The following ARHGAP10 variants were observed in gnomAD, a reference collection of about 807,000 sequenced individuals.
ARHGAP10 encodes the protein Rho GTPase activating protein 10.
Under a neutral mutation model 108.6 loss-of-function variants are expected in ARHGAP10, and 87 were observed. That is an observed-to-expected ratio of 0.80 (90% CI 0.67 to 0.96). The LOEUF (loss-of-function observed/expected upper bound fraction) is 0.96. Ranked by LOEUF, ARHGAP10 falls within the 40% of genes least tolerant of loss-of-function variation. ARHGAP10 has a pLI of 0.00. For synonymous variants in ARHGAP10, 347 were observed against 341.1 expected, an observed-to-expected ratio of 1.02 and a Z score of -0.19; for missense variants, 939 against 954.5, an observed-to-expected ratio of 0.98 and a Z score of 0.21.
rs1017274049 is a variant in ARHGAP10, at chr4:147,798,425, T to C, written c.155-24302T>C. Among the ~76,000 whole-genome samples the C allele has an allele frequency of 2.0e-5, 3 of 152,274 alleles. No individual in the cohort carries two copies. The East Asian group carries it at 5.8e-4, about 29-fold the overall frequency. The stretch of plus-strand genomic sequence containing the variant: ...GAATCTTCTGTGTTAAAAAATATAA[T>C]TTTGGCCAGGTGTGGTGGCTCATGC... On this transcript the variant is annotated intron_variant, in intron 1 of 22. Coordinates refer to ENST00000336498, the MANE Select transcript of ARHGAP10 (RefSeq NM_024605.4).
rs374648105 is a variant in ARHGAP10, at chr4:147,986,087, C to T, written c.1716+19248C>T. On this transcript the variant is annotated intron_variant, in intron 18 of 22. Coordinates refer to ENST00000336498, the MANE Select transcript of ARHGAP10 (RefSeq NM_024605.4). Reference sequence around the variant, plus strand: ...GCTATTTGCAAGTGGCTGAGGTATGCGGAAAGCCTCTCATCTGCCATCTTG... The same window carrying T: ...GCTATTTGCAAGTGGCTGAGGTATGTGGAAAGCCTCTCATCTGCCATCTTG... 5.1e-4 allele frequency among the ~76,000 whole-genome samples: 77 copies of T among 152,248 alleles called. 2 individuals carry two copies. In the South Asian group the frequency reaches 0.016, roughly 32 times the overall value.
At chr4:148,016,984 A>T (rs549363908) in intron 18 of ARHGAP10, among the ~76,000 whole-genome samples, 29 of 125,006 alleles carry the variant, frequency 2.3e-4, no homozygotes, top group Middle Eastern at 7.9e-3. Flanking sequence ...CATCTCTATT[A>T]AAAAAAAAAA....
At chr4:148,039,737 TTAAAA>T (rs1251733707) in intron 19 of ARHGAP10, among the ~76,000 whole-genome samples, 1 of 152,310 alleles carries the variant, frequency 6.6e-6, no homozygotes, top group African/African-American at 2.4e-5. Context: ...TTATTAAATG[TTAAAA>T]TAATATGTCT....
intron 1 of ARHGAP10, among the ~76,000 whole-genome samples, chr4:147,765,335 T>TGGGG (rs1463328322): frequency 4.4e-5 from 1 of 22,744 alleles, no homozygotes; most frequent in African/African-American, 8.7e-5. Flanking sequence ...TGTGTGTGTG[T>TGGGG]GTGGGGGGGG....
At chr4:147,798,231 T>A (rs1208478178) in intron 1 of ARHGAP10, among the ~76,000 whole-genome samples, 1 of 152,182 alleles carries the variant, frequency 6.6e-6, no homozygotes, top group African/African-American at 2.4e-5. Context: ...AAATTTTCTC[T>A]GATCATGGCA....
chr4:147,759,082 A>G (rs972555399), intron 1 of ARHGAP10, among the ~76,000 whole-genome samples: 3 of 152,156 alleles, frequency 2.0e-5, no homozygotes, highest in Non-Finnish European at 4.4e-5. Flanking sequence ...TTGTCTTAGA[A>G]TAAGTAACAC....
intron 19 of ARHGAP10, among the ~76,000 whole-genome samples, chr4:148,041,645 A>G (rs758676515): frequency 1.4e-4 from 21 of 152,238 alleles, no homozygotes; most frequent in African/African-American, 4.6e-4. Context: ...TTTTCTGCCA[A>G]TCTTTGAAGA....
chr4:147,909,844 A>G (rs1291812225), intron 12 of ARHGAP10, 67 bp downstream of exon 12: 7 of 1,485,450 alleles, frequency 4.7e-6, no homozygotes, highest in South Asian at 1.2e-5. Flanking sequence ...TACATTATGC[A>G]TGTCAAGCTG....
At position 147,954,904 on chromosome 4, in the gene ARHGAP10, A is replaced by G. The variant is rs529195289; in HGVS notation, c.1392-412A>G. ...GATTTGAGTTTGTTTAATCTTTTCT[A>G]TGTATTTTGTGTGGAATCTTCAGCT... On this transcript the variant is annotated intron_variant, in intron 15 of 22. Coordinates refer to ENST00000336498, the MANE Select transcript of ARHGAP10 (RefSeq NM_024605.4). Among the ~76,000 whole-genome samples, 70 of 152,128 alleles carry G rather than the reference A, an allele frequency of 4.6e-4. 1 individual carries two copies. Among genetic ancestry groups the G allele is most frequent in the Non-Finnish European group, 7.4e-4 (50 of 67,904 alleles).
chr4:147,892,449 A>G (rs1258904086), intron 10 of ARHGAP10, among the ~76,000 whole-genome samples: 1 of 152,168 alleles, frequency 6.6e-6, no homozygotes, highest in Non-Finnish European at 1.5e-5. Flanking sequence ...TGTTTTTGGC[A>G]CTGAGGATAC....
At chr4:147,861,461 G>C (rs1734319618) in intron 5 of ARHGAP10, 1 of 152,486 alleles carries the variant, frequency 6.6e-6, no homozygotes, top group Admixed American at 6.5e-5. Context: ...GTGAGCAGGG[G>C]AGGGGGAGGA....
intron 3 of ARHGAP10, among the ~76,000 whole-genome samples, chr4:147,841,049 A>G (rs976576626): frequency 1.3e-5 from 2 of 152,204 alleles, no homozygotes; most frequent in African/African-American, 4.8e-5. Flanking sequence ...CATCATTCAT[A>G]TGCTGTTTGT....
intron 19 of ARHGAP10, among the ~76,000 whole-genome samples, chr4:148,033,450 AT>A (rs558552772): frequency 3.9e-5 from 6 of 152,366 alleles, no homozygotes; most frequent in African/African-American, 1.4e-4. Context: ...AAACCTATAT[AT>A]TTAAATATAA....
chr4:148,061,155 CTCTT>C (rs1729603375), intron 20 of ARHGAP10, among the ~76,000 whole-genome samples: 1 of 151,244 alleles, frequency 6.6e-6, no homozygotes, highest in Non-Finnish European at 1.5e-5. Flanking sequence ...AAAATTTATG[CTCTT>C]TATTTTTCAA....
At chr4:147,811,359 G>C (rs1391946699) in intron 1 of ARHGAP10, among the ~76,000 whole-genome samples, 1 of 152,122 alleles carries the variant, frequency 6.6e-6, no homozygotes, top group East Asian at 1.9e-4. Flanking sequence ...GTGTATATTG[G>C]GGTTCACTGC....
At chr4:147,836,060 T>C (rs1469059354) in intron 3 of ARHGAP10, among the ~76,000 whole-genome samples, 1 of 152,216 alleles carries the variant, frequency 6.6e-6, no homozygotes, top group Non-Finnish European at 1.5e-5. Flanking sequence ...TCTTTACAGG[T>C]AGATTGTGTT....
chr4:147,800,725 G>A (rs754043432), intron 1 of ARHGAP10, among the ~76,000 whole-genome samples: 4 of 152,150 alleles, frequency 2.6e-5, no homozygotes, highest in Non-Finnish European at 4.4e-5. Flanking sequence ...TATCTCCTCT[G>A]CTATTTCCAG....
chr4:148,058,195 G>A (rs895323807), intron 20 of ARHGAP10, among the ~76,000 whole-genome samples: 1 of 152,170 alleles, frequency 6.6e-6, no homozygotes, highest in Non-Finnish European at 1.5e-5. Flanking sequence ...CTAGACTTAT[G>A]CTGTATGTTT....
At chr4:147,761,916 A>C (rs1165862279) in intron 1 of ARHGAP10, among the ~76,000 whole-genome samples, 1 of 152,212 alleles carries the variant, frequency 6.6e-6, no homozygotes, top group Non-Finnish European at 1.5e-5. Context: ...CAGCAACAGC[A>C]TCTTTTCTTG....
Sources: allele counts gnomAD v4.1 joint callset (sites outside exome capture counted in the v4.1 genomes callset), GRCh38; gene constraint gnomAD v4.1.1; transcripts MANE v1.5; gene names NCBI Gene and HGNC (gene_info 2026-07-23, HGNC 2026-07-21).